The following PTPRN2 variants were observed in gnomAD, a reference collection of about 807,000 sequenced individuals.
PTPRN2 encodes the protein protein tyrosine phosphatase receptor type N2.
In PTPRN2, 74 loss-of-function variants were observed where a neutral mutation model predicts 118.8. The ratio of observed to expected loss-of-function variants is 0.62; its 90% CI spans 0.52 to 0.76. The LOEUF (loss-of-function observed/expected upper bound fraction) is 0.76. Among genes scored for constraint, PTPRN2 ranks in the 30% least tolerant of loss-of-function variants. The pLI, the probability that PTPRN2 is intolerant of heterozygous loss-of-function variation, is 0.00. For synonymous variants in PTPRN2, 641 were observed against 608.0 expected (o/e 1.05, Z -0.80); for missense variants, 1,481 against 1,394.4 (o/e 1.06, Z -0.99).
chr7:158,217,141 C>G (rs1828009556), intron 3 of PTPRN2, among the ~76,000 whole-genome samples: 1 of 152,164 alleles, frequency 6.6e-6, no homozygotes, highest in South Asian at 2.1e-4. Flanking sequence ...CCAGTGGCCC[C>G]CACCCACCCT....
At chr7:158,513,217 A>G (rs185886142) in intron 1 of PTPRN2, among the ~76,000 whole-genome samples, 6 of 152,280 alleles carry the variant, frequency 3.9e-5, no homozygotes, top group South Asian at 4.2e-4. Flanking sequence ...CTTCACCCCA[A>G]TCTTCCTCCC....
intron 12 of PTPRN2, among the ~76,000 whole-genome samples, chr7:157,895,154 G>A (rs1013632891): frequency 6.6e-6 from 1 of 151,928 alleles, no homozygotes; most frequent in Non-Finnish European, 1.5e-5. Flanking sequence ...ATAAGCCAGA[G>A]GGTCTGAACA....
chr7:158,560,426 G>A (rs956298565), intron 1 of PTPRN2, among the ~76,000 whole-genome samples: 3 of 152,256 alleles, frequency 2.0e-5, no homozygotes, highest in East Asian at 1.9e-4. Flanking sequence ...TTTTGGCCTC[G>A]CTAGGGGACA....
intron 2 of PTPRN2, among the ~76,000 whole-genome samples, chr7:158,333,638 TCA>T (rs1804958821): frequency 2.0e-5 from 3 of 150,234 alleles, no homozygotes; most frequent in Non-Finnish European, 4.4e-5. Flanking sequence ...CAGACATCAC[TCA>T]CACCCACATT....
intron 12 of PTPRN2, among the ~76,000 whole-genome samples, chr7:157,802,456 C>A (rs1312457726): frequency 6.6e-6 from 1 of 152,244 alleles, no homozygotes; most frequent in East Asian, 1.9e-4. Context: ...TGGGTCTATG[C>A]ACCACGCTTT....
intron 11 of PTPRN2, among the ~76,000 whole-genome samples, chr7:158,013,632 A>C (rs1323322689): frequency 6.6e-6 from 1 of 151,462 alleles, no homozygotes; most frequent in Non-Finnish European, 1.5e-5. Flanking sequence ...ACATCTATCA[A>C]TCCATCTATC....
chr7:158,061,227 C>T (rs376304019), intron 11 of PTPRN2, among the ~76,000 whole-genome samples: 4 of 152,362 alleles, frequency 2.6e-5, no homozygotes, highest in South Asian at 2.1e-4. Flanking sequence ...CAAGCTGCTC[C>T]GCTCAGAGAG....
Position 157,615,020 on chromosome 7 carries a change from G to A in PTPRN2, c.2344+6342C>T, listed in dbSNP as rs1328448778. ...CGGGGCTGCAGCTACCTAGGAGAAG[G>A]CCCTTGTATTTAGGACCTGCAGGCA... On this transcript the variant is annotated intron_variant, in intron 15 of 22. Transcript: ENST00000389418. This position sits in a 1 kb window ranked among gnomAD's most constrained non-coding sequence, Gnocchi z 4.3. 6.6e-6 allele frequency among the ~76,000 whole-genome samples: 1 copy of A among 152,190 alleles called. No individual in the cohort carries two copies. The highest frequency in any genetic ancestry group is 2.4e-5 in the African/African-American group (1 of 41,444).
chr7:157,679,747 C>T (rs115176738), intron 13 of PTPRN2, among the ~76,000 whole-genome samples: 1,588 of 152,254 alleles, frequency 0.01, 29 homozygotes, highest in African/African-American at 0.036. Flanking sequence ...TAATGATGTG[C>T]GTGCATTATC....
intron 11 of PTPRN2, among the ~76,000 whole-genome samples, chr7:157,994,509 A>T: frequency 6.6e-6 from 1 of 150,510 alleles, no homozygotes; most frequent in East Asian, 2.0e-4. Flanking sequence ...TGTTCCTAAA[A>T]TCAGCACCGC....
chr7:158,513,164 G>A (rs941095040), intron 1 of PTPRN2, among the ~76,000 whole-genome samples: 29 of 152,258 alleles, frequency 1.9e-4, no homozygotes, highest in Middle Eastern at 3.4e-3. Context: ...CCATGATGGC[G>A]CACACTGAGT....
At position 158,056,284 on chromosome 7, in the gene PTPRN2, C is replaced by T. The variant is rs1809787015; in HGVS notation, c.1723+25014G>A. 2.0e-5 allele frequency among the ~76,000 whole-genome samples: 3 copies of T among 152,116 alleles called. No homozygotes were observed. The South Asian group carries it at 6.2e-4, about 31-fold the overall frequency. On this transcript the variant is annotated intron_variant, in intron 11 of 22. Coordinates refer to ENST00000389418, the MANE Select transcript of PTPRN2 (RefSeq NM_002847.5). ...GCCCTGAGCCATCACAGCATGGCCA[C>T]CAGGCACTCCCCGGGGCCTCATCCA...
At chr7:157,542,376 A>G (rs1798052400) in intron 22 of PTPRN2, among the ~76,000 whole-genome samples, 1 of 151,088 alleles carries the variant, frequency 6.6e-6, no homozygotes, top group South Asian at 2.1e-4. Context: ...TGCAAGTGTC[A>G]TCTATCTATT....
chr7:158,072,837 G>A (rs147618874), intron 11 of PTPRN2, among the ~76,000 whole-genome samples: 30 of 152,284 alleles, frequency 2.0e-4, no homozygotes, highest in South Asian at 6.2e-4. Flanking sequence ...ACGGGCTGGC[G>A]GAACATAATT....
intron 3 of PTPRN2, among the ~76,000 whole-genome samples, chr7:158,263,867 GAGAGC>G (rs1563057178): frequency 6.6e-6 from 1 of 152,176 alleles, no homozygotes; most frequent in African/African-American, 2.4e-5. Context: ...GGCCGAGCCA[GAGAGC>G]AGCACCTCCC....
At chr7:157,551,035 T>TCTC (rs968851646) in intron 21 of PTPRN2, among the ~76,000 whole-genome samples, 2 of 152,026 alleles carry the variant, frequency 1.3e-5, no homozygotes, top group Admixed American at 6.6e-5. Context: ...AGCCGCTTCC[T>TCTC]CTCCTCCTCC....
At chr7:158,435,136 GAAAC>G (rs112226699) in intron 2 of PTPRN2, among the ~76,000 whole-genome samples, 2 of 152,234 alleles carry the variant, frequency 1.3e-5, no homozygotes, top group African/African-American at 4.8e-5. Flanking sequence ...TTCTGCAAAA[GAAAC>G]AATCAACAGT....
intron 14 of PTPRN2, among the ~76,000 whole-genome samples, chr7:157,634,397 C>T (rs919772424): frequency 5.3e-5 from 8 of 152,202 alleles, no homozygotes; most frequent in Admixed American, 1.3e-4. Context: ...ATTCAGCTTT[C>T]GTCAAAGTAA....
chr7:157,671,436 G>A lies in PTPRN2; in HGVS notation c.2001+11289C>T, dbSNP rs535773075. Among the ~76,000 whole-genome samples the A allele has an allele frequency of 5.3e-5, 8 of 152,292 alleles. No homozygotes were observed. In the South Asian group the frequency reaches 1.7e-3, roughly 32 times the overall value. ...GGGCCCTGGTGTTCGGGATGGGACGGGCCACCCCGGGCTGAGATGGAAGCT... is the reference window on the plus strand; with the variant it reads ...GGGCCCTGGTGTTCGGGATGGGACGAGCCACCCCGGGCTGAGATGGAAGCT... On this transcript the variant is annotated intron_variant, in intron 13 of 22. Coordinates refer to ENST00000389418, the MANE Select transcript of PTPRN2 (RefSeq NM_002847.5). This position sits in a 1 kb window ranked among gnomAD's most constrained non-coding sequence, Gnocchi z 4.1.
Sources: allele counts gnomAD v4.1 joint callset (sites outside exome capture counted in the v4.1 genomes callset), GRCh38; gene constraint gnomAD v4.1.1; non-coding constraint Gnocchi (gnomAD v3.1); transcripts MANE v1.5; gene names NCBI Gene and HGNC (gene_info 2026-07-23, HGNC 2026-07-21).